LINGO2: variants seen among roughly 807,000 people sequenced by gnomAD.
LINGO2 encodes leucine-rich repeat and immunoglobulin-like domain-containing nogo receptor-interacting protein 2.
A neutral mutation model predicts 30.6 loss-of-function variants in LINGO2; 14 were observed. The observed-to-expected ratio is 0.46, with a 90% CI of 0.30 to 0.72. The LOEUF (loss-of-function observed/expected upper bound fraction) is 0.72. Among genes scored for constraint, LINGO2 ranks in the 30% least tolerant of loss-of-function variants. The pLI is 0.07. For synonymous variants in LINGO2, 317 were observed against 288.5 expected, an observed-to-expected ratio of 1.10 and a Z score of -1.00; for missense variants, 729 against 751.7, an observed-to-expected ratio of 0.97 and a Z score of 0.35.
At chr9:29,006,245 G>T in the LINGO2 span, among the ~76,000 whole-genome samples, 2 of 151,674 alleles carry the variant, frequency 1.3e-5, no homozygotes, top group Non-Finnish European at 2.9e-5. Flanking sequence ...TCAAACAAAC[G>T]GGGAATTATT....
the LINGO2 span, among the ~76,000 whole-genome samples, chr9:28,745,780 A>G: frequency 6.6e-6 from 1 of 152,046 alleles, no homozygotes; most frequent in Non-Finnish European, 1.5e-5. Context: ...GTAAGAGAAT[A>G]TGGCTTCAAA....
At chr9:28,995,181 C>A in the LINGO2 span, among the ~76,000 whole-genome samples, 16 of 152,058 alleles carry the variant, frequency 1.1e-4, no homozygotes, top group Non-Finnish European at 1.5e-4. Flanking sequence ...AAGAAAAAAA[C>A]AAACAACCCC....
At chr9:28,901,883 A>C in the LINGO2 span, among the ~76,000 whole-genome samples, 2 of 152,174 alleles carry the variant, frequency 1.3e-5, no homozygotes, top group African/African-American at 2.4e-5. Context: ...AAATGGATTA[A>C]ATTCTTCAAT....
chr9:28,748,160 G>T, the LINGO2 span, among the ~76,000 whole-genome samples: 1 of 151,918 alleles, frequency 6.6e-6, no homozygotes, highest in East Asian at 1.9e-4. Context: ...TAAACATTTT[G>T]ATAATATCTC....
the LINGO2 span, among the ~76,000 whole-genome samples, chr9:28,793,479 T>C: frequency 6.6e-6 from 1 of 152,188 alleles, no homozygotes; most frequent in African/African-American, 2.4e-5. Flanking sequence ...CTTGAGACTT[T>C]CCCTGATCAG....
chr9:28,189,649 G>GGA (rs1819728401), intron 4 of LINGO2, among the ~76,000 whole-genome samples: 1 of 5,268 alleles, frequency 1.9e-4, no homozygotes, highest in East Asian at 8.8e-3. Flanking sequence ...GGAAGGGAGG[G>GGA]AGGAAGGAAG....
chr9:28,310,062 A>C (rs900015576), intron 3 of LINGO2, among the ~76,000 whole-genome samples: 42 of 152,164 alleles, frequency 2.8e-4, no homozygotes, highest in South Asian at 4.1e-4. Context: ...GTAGGAGTGT[A>C]ATATGACACA....
chr9:28,926,880 T>C, the LINGO2 span, among the ~76,000 whole-genome samples: 1 of 152,194 alleles, frequency 6.6e-6, no homozygotes, highest in Non-Finnish European at 1.5e-5. Flanking sequence ...TTCATGGCTG[T>C]CTTCTCCTCA....
the LINGO2 span, among the ~76,000 whole-genome samples, chr9:28,937,409 G>C: frequency 6.6e-6 from 1 of 152,150 alleles, no homozygotes; most frequent in Non-Finnish European, 1.5e-5. Context: ...AGACATTATT[G>C]TTCCAAAAGA....
chr9:29,083,305 C>T, the LINGO2 span, among the ~76,000 whole-genome samples: 2 of 151,988 alleles, frequency 1.3e-5, no homozygotes, highest in Admixed American at 1.3e-4. Flanking sequence ...AAGCTGGAAA[C>T]CATCATTCTC....
rs1329005120 is a variant in LINGO2 at position 28,045,884 on chromosome 9, C to A, written c.-86-33479G>T. On this transcript the variant is annotated intron_variant, in intron 4 of 5. Transcript: ENST00000379992. ...ACTACAATGTTCTTCCCATCTACTA[C>A]AACCCACCTCCTGAGGATTTCAATT... Among the ~76,000 whole-genome samples, 6 of 152,314 alleles carry A rather than the reference C, an allele frequency of 3.9e-5. No homozygotes were observed. The East Asian group carries it at 7.7e-4, about 20-fold the overall frequency.
chr9:28,302,787 T>A (rs1422587452), intron 3 of LINGO2, among the ~76,000 whole-genome samples: 1 of 152,196 alleles, frequency 6.6e-6, no homozygotes, highest in Non-Finnish European at 1.5e-5. Context: ...CAAGTGACCA[T>A]TGAGAATTAG....
chr9:28,595,686 A>G (rs898804268), intron 1 of LINGO2, among the ~76,000 whole-genome samples: 2 of 152,140 alleles, frequency 1.3e-5, no homozygotes, highest in Non-Finnish European at 2.9e-5. Flanking sequence ...ACGATATAAT[A>G]TATGATTTAC....
At chr9:28,137,220 C>T (rs1827544287) in intron 4 of LINGO2, among the ~76,000 whole-genome samples, 1 of 151,748 alleles carries the variant, frequency 6.6e-6, no homozygotes, top group Non-Finnish European at 1.5e-5. Context: ...CACACACACA[C>T]ACACACAAAT....
chr9:28,025,881 T>C (rs1823352391), intron 4 of LINGO2, among the ~76,000 whole-genome samples: 1 of 152,174 alleles, frequency 6.6e-6, no homozygotes, highest in South Asian at 2.1e-4. Context: ...TCTACACATG[T>C]AGTGCCAAAG....
At chr9:28,714,292 C>G in the LINGO2 span, among the ~76,000 whole-genome samples, 4 of 151,612 alleles carry the variant, frequency 2.6e-5, no homozygotes, top group African/African-American at 9.7e-5. Context: ...CACTTCCATG[C>G]ACTTTATACA....
intron 1 of LINGO2, among the ~76,000 whole-genome samples, chr9:28,566,385 C>A (rs895143022): frequency 1.3e-5 from 2 of 152,152 alleles, no homozygotes; most frequent in African/African-American, 2.4e-5. Context: ...TGCCATCAAA[C>A]AACTTTAAAA....
chr9:28,193,901 AG>A (rs1290861686), intron 4 of LINGO2, among the ~76,000 whole-genome samples: 1 of 152,190 alleles, frequency 6.6e-6, no homozygotes, highest in African/African-American at 2.4e-5. Context: ...TCCTTTACAG[AG>A]GGACAGTCTC....
intron 1 of LINGO2, among the ~76,000 whole-genome samples, chr9:28,611,935 C>T (rs1825937817): frequency 6.6e-6 from 1 of 152,000 alleles, no homozygotes; most frequent in South Asian, 2.1e-4. Flanking sequence ...ATTCTCCTGC[C>T]CCAGCCTCCT....
Sources: gnomAD v4.1 joint callset for allele counts (sites outside exome capture counted in the v4.1 genomes callset) on GRCh38, gnomAD v4.1.1 for gene constraint, MANE v1.5 for transcripts, NCBI Gene and HGNC (gene_info 2026-07-23, HGNC 2026-07-21) for gene names.